BLTP3A: variants seen among roughly 807,000 people sequenced by gnomAD.
BLTP3A encodes the protein ICBP90 binding protein 1.
the BLTP3A span, among the ~76,000 whole-genome samples, chr6:34,814,407 T>C: frequency 7.0e-6 from 1 of 142,720 alleles, no homozygotes; most frequent in Non-Finnish European, 1.5e-5. Context: ...TTGAGAAGCT[T>C]GAATAAGGCA....
At chr6:34,794,853 C>T in the BLTP3A span, among the ~76,000 whole-genome samples, 24 of 146,856 alleles carry the variant, frequency 1.6e-4, no homozygotes, top group African/African-American at 5.3e-4. Context: ...GGCGCGATCT[C>T]GGCTCACTGC....
At chr6:34,871,956 T>C in the BLTP3A span, 1 of 1,599,170 alleles carries the variant, frequency 6.3e-7, no homozygotes, top group East Asian at 2.2e-5. Context: ...TAGCTGCCCA[T>C]AACCCTTGGG....
the BLTP3A span, chr6:34,870,771 G>T: frequency 6.7e-7 from 1 of 1,495,768 alleles, no homozygotes; most frequent in Non-Finnish European, 9.0e-7. Context: ...TTGACATAGG[G>T]TTATTATGAA....
chr6:34,794,208 A>G, the BLTP3A span, among the ~76,000 whole-genome samples: 1 of 130,448 alleles, frequency 7.7e-6, no homozygotes, highest in Non-Finnish European at 1.6e-5. Context: ...AATTGTTTGT[A>G]ACTCAAAGGA....
chr6:34,823,309 C>G, the BLTP3A span: 10 of 1,613,970 alleles, frequency 6.2e-6, no homozygotes, highest in African/African-American at 8.0e-5. Flanking sequence ...CCTCGGCCCC[C>G]CAATGGACAG....
At chr6:34,874,823 A>G in the BLTP3A span, 1 of 152,252 alleles carries the variant, frequency 6.6e-6, no homozygotes, top group Non-Finnish European at 1.5e-5. Flanking sequence ...ATATGTCTTG[A>G]TCGGATTATC....
At chr6:34,840,403 A>T in the BLTP3A span, among the ~76,000 whole-genome samples, 10 of 148,212 alleles carry the variant, frequency 6.7e-5, no homozygotes, top group African/African-American at 1.7e-4. Context: ...AAAAAAAAAA[A>T]AAAAATACAA....
chr6:34,849,746 T>C, the BLTP3A span, among the ~76,000 whole-genome samples: 2 of 152,224 alleles, frequency 1.3e-5, no homozygotes, highest in Non-Finnish European at 2.9e-5. Context: ...GCATTTCTTA[T>C]AGGACACATC....
At chr6:34,798,594 C>CTTTTTTTTTTTTTTTTTTTTTTTT in the BLTP3A span, among the ~76,000 whole-genome samples, 43 of 94,482 alleles carry the variant, frequency 4.6e-4, 1 homozygote, top group African/African-American at 9.6e-4. Context: ...TTCTTTCTTT[C>CTTTTTTTTTTTTTTTTTTTTTTTT]TTTTTTTTTT....
the BLTP3A span, among the ~76,000 whole-genome samples, chr6:34,811,889 G>T: frequency 6.6e-6 from 1 of 151,918 alleles, no homozygotes; most frequent in Non-Finnish European, 1.5e-5. Flanking sequence ...ACTTAGTTGG[G>T]TGTAGTGGAG....
At chr6:34,800,966 T>C in the BLTP3A span, among the ~76,000 whole-genome samples, 1 of 152,134 alleles carries the variant, frequency 6.6e-6, no homozygotes, top group African/African-American at 2.4e-5. Context: ...TGGCCTCAAG[T>C]AATCCACCTA....
chr6:34,863,984 GTT>G, the BLTP3A span: 3 of 1,312,524 alleles, frequency 2.3e-6, no homozygotes, highest in South Asian at 1.5e-5. Flanking sequence ...TGTGGTTTTT[GTT>G]TTTTTTTTTA....
the BLTP3A span, among the ~76,000 whole-genome samples, chr6:34,855,441 G>A: frequency 6.6e-6 from 1 of 152,200 alleles, no homozygotes; most frequent in Non-Finnish European, 1.5e-5. Flanking sequence ...ATTGGATATT[G>A]TAACTCAAAA....
the BLTP3A span, among the ~76,000 whole-genome samples, chr6:34,864,707 C>G: frequency 6.6e-6 from 1 of 152,092 alleles, no homozygotes; most frequent in South Asian, 2.1e-4. Context: ...GTGGCTGACG[C>G]CTGTAATCCC....
the BLTP3A span, among the ~76,000 whole-genome samples, chr6:34,797,571 A>G: frequency 2.6e-5 from 4 of 152,192 alleles, no homozygotes; most frequent in African/African-American, 9.6e-5. Context: ...ACTTCCAGTC[A>G]TGTTCTTTTT....
At chr6:34,801,577 C>G in the BLTP3A span, among the ~76,000 whole-genome samples, 17 of 152,112 alleles carry the variant, frequency 1.1e-4, no homozygotes, top group African/African-American at 3.9e-4. Flanking sequence ...CATAAAGAAG[C>G]ATTGTCCCTT....
chr6:34,872,215 A>AT, the BLTP3A span: 1 of 1,410,626 alleles, frequency 7.1e-7, no homozygotes, highest in Non-Finnish European at 9.5e-7. Context: ...TAACTTGTGG[A>AT]TTTTTCTCCT....
the BLTP3A span, chr6:34,855,791 G>C: frequency 2.5e-6 from 4 of 1,585,002 alleles, no homozygotes; most frequent in African/African-American, 5.4e-5. Flanking sequence ...CGCTTAACAG[G>C]AGGTTGCCAG....
chr6:34,858,188 C>G, the BLTP3A span: 2 of 1,614,140 alleles, frequency 1.2e-6, no homozygotes, highest in Admixed American at 3.3e-5. Flanking sequence ...CTTGTCTTCT[C>G]TGCGTCAGGC....
Sources: allele counts gnomAD v4.1 joint callset (sites outside exome capture counted in the v4.1 genomes callset), GRCh38; gene constraint gnomAD v4.1.1; transcripts MANE v1.5; gene names NCBI Gene and HGNC (gene_info 2026-07-23, HGNC 2026-07-21).